Variants in SIDT1 observed in about 807,000 individuals in gnomAD.
SIDT1 encodes SID1 transmembrane family, member 1.
In SIDT1, 101 loss-of-function variants were observed where a neutral mutation model predicts 107.5. The observed-to-expected ratio is 0.94, with a 90% CI of 0.80 to 1.11. The LOEUF is 1.11. SIDT1 is among the 50% of genes least tolerant of loss of function. SIDT1 has a pLI of 0.00. For missense variants in SIDT1, 1,076 were observed against 1,058.2 expected (o/e 1.02, Z -0.23); for synonymous variants, 395 against 398.2 (o/e 0.99, Z 0.10).
At position 113,621,980 on chromosome 3, in the gene SIDT1, C is replaced by T. The variant is rs183765798; in HGVS notation, c.2091-1447C>T. ...TAATTTTAATAGCCATATGTGGCTA[C>T]CAAATGGAACAGTGCAGGCTAGCCT... is the stretch of plus-strand genomic sequence containing the variant. On this transcript the variant is annotated intron_variant, in intron 21 of 24. Coordinates refer to ENST00000264852, the MANE Select transcript of SIDT1 (RefSeq NM_017699.3). Among the ~76,000 whole-genome samples the T allele has an allele frequency of 5.4e-3, 814 of 152,124 alleles. 3 individuals are homozygous for T. Among genetic ancestry groups the T allele is most frequent in the Admixed American group, 0.014 (217 of 15,282 alleles).
chr3:113,623,159 C>G (rs1225780394), intron 21 of SIDT1, among the ~76,000 whole-genome samples: 1 of 121,778 alleles, frequency 8.2e-6, no homozygotes, highest in East Asian at 2.6e-4. Flanking sequence ...CCATTGCACT[C>G]TAGCCTGAGT....
chr3:113,620,729 G>T (rs1439900046), intron 21 of SIDT1, among the ~76,000 whole-genome samples: 3 of 152,152 alleles, frequency 2.0e-5, no homozygotes, highest in Non-Finnish European at 4.4e-5. Flanking sequence ...GAGGATTCTT[G>T]GGCAGTGGTC....
In SIDT1 at chr3:113,611,155, C is replaced by G. The variant is rs1945708122; in HGVS notation, c.1857+11C>G. The G allele has an allele frequency of 6.2e-7, 1 of 1,611,422 alleles. No individual in the cohort carries two copies. The highest frequency in any genetic ancestry group is 8.5e-7 in the Non-Finnish European group (1 of 1,178,454). On this transcript the variant is annotated intron_variant, in intron 18 of 24. Transcript: ENST00000264852. ...ACCGTCCTTGGAGTGGTGCGTCCCCCACCTTCTTCCACCTGGCTCTCGAAA... is the reference window on the plus strand; with the variant it reads ...ACCGTCCTTGGAGTGGTGCGTCCCCGACCTTCTTCCACCTGGCTCTCGAAA...
At chr3:113,557,360 C>T (rs1940987414) in intron 1 of SIDT1, among the ~76,000 whole-genome samples, 1 of 152,136 alleles carries the variant, frequency 6.6e-6, no homozygotes. Context: ...GGTCCTAACC[C>T]CTAGAACCTA....
intron 12 of SIDT1, 82 bp downstream of exon 12, chr3:113,603,232 T>G: frequency 2.8e-6 from 4 of 1,417,244 alleles, no homozygotes; most frequent in Non-Finnish European, 2.9e-6. Flanking sequence ...CTCAGTTTCC[T>G]TTATTTTGTT....
At chr3:113,611,248 A>T in intron 18 of SIDT1, 104 bp downstream of exon 18, 1 of 1,327,010 alleles carries the variant, frequency 7.5e-7, no homozygotes, top group Non-Finnish European at 1.0e-6. Context: ...CAAAATCCTC[A>T]GTTCATGACA....
intron 23 of SIDT1, 70 bp downstream of exon 23, chr3:113,623,803 C>T: frequency 1.0e-6 from 1 of 999,402 alleles, no homozygotes; most frequent in African/African-American, 1.6e-5. Context: ...TTTCTACCTC[C>T]CTCTCTTAAT....
intron 1 of SIDT1, among the ~76,000 whole-genome samples, chr3:113,544,833 G>A (rs1212032692): frequency 1.3e-5 from 2 of 151,966 alleles, no homozygotes; most frequent in African/African-American, 2.4e-5. Flanking sequence ...TCATTTGTGG[G>A]CCAGGTGCGG....
chr3:113,552,351 A>G (rs1350395670), intron 1 of SIDT1, among the ~76,000 whole-genome samples: 1 of 152,048 alleles, frequency 6.6e-6, no homozygotes. Context: ...TAGGTGTGCA[A>G]TGAAGATTTG....
chr3:113,616,047 A>G, intron 19 of SIDT1, 53 bp from the exon 20 acceptor site: 1 of 1,226,336 alleles, frequency 8.2e-7, no homozygotes, highest in Non-Finnish European at 1.2e-6. Flanking sequence ...ACTTCAGAGT[A>G]TTTGTATTTT....
intron 10 of SIDT1, among the ~76,000 whole-genome samples, chr3:113,597,183 T>G (rs528907540): frequency 6.6e-6 from 1 of 152,246 alleles, no homozygotes; most frequent in East Asian, 1.9e-4. Flanking sequence ...TAAGTTGGGA[T>G]AGGTAGGCAA....
Position 113,623,546 on chromosome 3 carries a change from C to T in SIDT1, c.2196+14C>T. The T allele has an allele frequency of 6.2e-7, 1 of 1,607,538 alleles. No homozygotes were observed. Among genetic ancestry groups the T allele is most frequent in the South Asian group, 1.1e-5 (1 of 90,974 alleles). ...ATCATCATGAAGGTAAGAGCGGGTG[C>T]CGGGAGCGGCTACCTCGGGCCCTCG... On this transcript the variant is annotated intron_variant, in intron 22 of 24. Transcript: ENST00000264852.
chr3:113,565,678 T>C (rs555739385), intron 1 of SIDT1, among the ~76,000 whole-genome samples: 2 of 152,220 alleles, frequency 1.3e-5, no homozygotes, highest in Non-Finnish European at 2.9e-5. Flanking sequence ...GTTACTGATA[T>C]AAAAAAGCAT....
intron 3 of SIDT1, among the ~76,000 whole-genome samples, chr3:113,572,755 T>C (rs79486368): frequency 0.027 from 4,122 of 152,246 alleles, 93 homozygotes; most frequent in East Asian, 0.091. Context: ...AGAATAAAAT[T>C]TATAGTCCTC....
At chr3:113,607,728 C>T (rs1448225291) in intron 15 of SIDT1, among the ~76,000 whole-genome samples, 1 of 152,202 alleles carries the variant, frequency 6.6e-6, no homozygotes. Flanking sequence ...TTGACACACA[C>T]GGGTCCACCT....
downstream of SIDT1, among the ~76,000 whole-genome samples, chr3:113,631,703 G>C (rs1287749107): frequency 6.6e-6 from 1 of 152,196 alleles, no homozygotes; most frequent in Non-Finnish European, 1.5e-5. Flanking sequence ...GAACACCAGA[G>C]CAAGAGAGTT....
At chr3:113,549,564 G>T (rs1009540317) in intron 1 of SIDT1, among the ~76,000 whole-genome samples, 2 of 151,970 alleles carry the variant, frequency 1.3e-5, no homozygotes, top group Non-Finnish European at 1.5e-5. Context: ...TATCTTCTCT[G>T]GTAAGATGTC....
the SIDT1 span, among the ~76,000 whole-genome samples, chr3:113,636,744 T>G: frequency 2.0e-5 from 3 of 152,304 alleles, no homozygotes; most frequent in South Asian, 6.2e-4. Context: ...CTTCTGAACT[T>G]ATCTAGGAAG....
intron 16 of SIDT1, 45 bp from the exon 17 acceptor site, chr3:113,608,374 A>G (rs1239255181): frequency 3.3e-6 from 5 of 1,537,354 alleles, no homozygotes; most frequent in Admixed American, 1.7e-5. Flanking sequence ...CTTGGTGGAT[A>G]TGGCACTATT....
Sources: allele counts gnomAD v4.1 joint callset (sites outside exome capture counted in the v4.1 genomes callset), GRCh38; gene constraint gnomAD v4.1.1; transcripts MANE v1.5; gene names NCBI Gene and HGNC (gene_info 2026-07-23, HGNC 2026-07-21).